The following NALF1 variants were observed in gnomAD, a reference collection of about 807,000 sequenced individuals.
NALF1 encodes family with sequence similarity 155 member A.
Under a neutral mutation model 48.4 loss-of-function variants are expected in NALF1, and 3 were observed. The observed-to-expected ratio is 0.06, with a 90% CI of 0.03 to 0.16. The LOEUF is 0.16. NALF1 is among the 10% of genes least tolerant of loss of function. NALF1 has a pLI of 1.00. For missense variants in NALF1, 526 were observed against 571.5 expected (o/e 0.92, Z 0.81); for synonymous variants, 262 against 245.7 (o/e 1.07, Z -0.62).
At chr13:107,258,251 G>A (rs956399544) in intron 1 of NALF1, among the ~76,000 whole-genome samples, 2 of 152,120 alleles carry the variant, frequency 1.3e-5, no homozygotes, top group Non-Finnish European at 2.9e-5. Context: ...AACTTCTAAT[G>A]ACATAAATGT....
chr13:107,595,904 T>G (rs1020305607), intron 1 of NALF1, among the ~76,000 whole-genome samples: 4 of 152,120 alleles, frequency 2.6e-5, no homozygotes, highest in Non-Finnish European at 1.5e-5. Context: ...CCCTCTGACT[T>G]TTCTGCCTAG....
intron 1 of NALF1, among the ~76,000 whole-genome samples, chr13:107,675,428 G>A (rs761683328): frequency 2.6e-5 from 4 of 152,128 alleles, no homozygotes; most frequent in African/African-American, 4.8e-5. Flanking sequence ...GGGGGGGAAG[G>A]GAGGAAATCT....
chr13:107,234,715 C>A (rs999454173), intron 1 of NALF1, among the ~76,000 whole-genome samples: 12 of 148,826 alleles, frequency 8.1e-5, no homozygotes, highest in East Asian at 5.9e-4. Flanking sequence ...GAAAAAAAAA[C>A]CAAAACAAAC....
chr13:107,198,228 C>T (rs969086301), intron 2 of NALF1, among the ~76,000 whole-genome samples: 1 of 152,086 alleles, frequency 6.6e-6, no homozygotes, highest in Non-Finnish European at 1.5e-5. Context: ...ACTGCAGTTT[C>T]CTGAGCTGAT....
chr13:107,846,025 T>C (rs566457478), intron 1 of NALF1, among the ~76,000 whole-genome samples: 9 of 151,832 alleles, frequency 5.9e-5, no homozygotes, highest in African/African-American at 1.7e-4. Context: ...AGCCCTGAAA[T>C]GTACAAATCT....
At chr13:107,612,554 C>T (rs1879261167) in intron 1 of NALF1, among the ~76,000 whole-genome samples, 2 of 152,070 alleles carry the variant, frequency 1.3e-5, no homozygotes, top group African/African-American at 4.8e-5. Context: ...GCCCTCCCTG[C>T]TGTGGGTGGG....
chr13:107,698,515 C>A (rs1881745804), intron 1 of NALF1, among the ~76,000 whole-genome samples: 1 of 151,946 alleles, frequency 6.6e-6, no homozygotes. Context: ...ACTCCTATAC[C>A]CCATATAATC....
In NALF1 at chr13:107,167,827, T is replaced by A. The variant is rs1878697705; in HGVS notation, c.*2670A>T. On this transcript the variant is annotated 3_prime_UTR_variant, in exon 3 of 3. Transcript: ENST00000375915. ...ATGGTGGTTTTAGTTTTCCACCTTT[T>A]GGTTGGCATTATCTCCAAACAAACG... is the stretch of plus-strand genomic sequence containing the variant. 1 of 152,206 alleles carries A rather than the reference T, an allele frequency of 6.6e-6. No homozygotes were observed. The highest frequency in any genetic ancestry group is 2.4e-5 in the African/African-American group (1 of 41,446). The allele number at this position is 152,206 out of a possible 1,614,324, so 9.4% of individuals were successfully genotyped here. A position where few individuals can be genotyped will look rare whatever the true frequency, so the allele number is the denominator to read the frequency against.
At chr13:107,589,809 G>A (rs1878554324) in intron 1 of NALF1, among the ~76,000 whole-genome samples, 1 of 151,822 alleles carries the variant, frequency 6.6e-6, no homozygotes. Context: ...AATTTCCCTT[G>A]AGGCAGGGCT....
chr13:107,236,734 T>TATC (rs1880357446), intron 1 of NALF1, among the ~76,000 whole-genome samples: 1 of 142,190 alleles, frequency 7.0e-6, no homozygotes, highest in South Asian at 2.3e-4. Context: ...TCTATCTATC[T>TATC]ATCATCTACA....
chr13:107,499,754 A>C (rs1410629963), intron 1 of NALF1, among the ~76,000 whole-genome samples: 1 of 152,206 alleles, frequency 6.6e-6, no homozygotes. Context: ...TCTTAATTTA[A>C]CATATTCCTA....
At chr13:107,237,383 T>C (rs1387806508) in intron 1 of NALF1, among the ~76,000 whole-genome samples, 2 of 152,140 alleles carry the variant, frequency 1.3e-5, no homozygotes, top group African/African-American at 4.8e-5. Flanking sequence ...CCTAATTTTG[T>C]TGTACTTATC....
intron 1 of NALF1, among the ~76,000 whole-genome samples, chr13:107,683,036 G>T (rs1413859027): frequency 2.0e-5 from 3 of 152,208 alleles, no homozygotes; most frequent in Non-Finnish European, 4.4e-5. Flanking sequence ...GCTGAGGAGG[G>T]AGGATTGCCG....
intron 1 of NALF1, among the ~76,000 whole-genome samples, chr13:107,822,221 T>C (rs1879379273): frequency 6.6e-6 from 1 of 152,088 alleles, no homozygotes; most frequent in Non-Finnish European, 1.5e-5. Flanking sequence ...TAAAGCCCAG[T>C]TTGACTTCCA....
At chr13:107,303,738 T>A (rs527630511) in intron 1 of NALF1, among the ~76,000 whole-genome samples, 70 of 151,152 alleles carry the variant, frequency 4.6e-4, no homozygotes, top group East Asian at 2.1e-3. Context: ...TTCAAGAAAA[T>A]TTTTTTTTAA....
chr13:107,361,383 C>T (rs569025721), intron 1 of NALF1, among the ~76,000 whole-genome samples: 1 of 152,182 alleles, frequency 6.6e-6, no homozygotes, highest in South Asian at 2.1e-4. Context: ...GGCTCTGTTG[C>T]TGGTGAGTAG....
intron 1 of NALF1, among the ~76,000 whole-genome samples, chr13:107,846,147 G>A (rs1269682963): frequency 6.6e-6 from 1 of 152,108 alleles, no homozygotes; most frequent in East Asian, 1.9e-4. Context: ...CAGGAGTGGT[G>A]ACTTGACTTG....
intron 1 of NALF1, among the ~76,000 whole-genome samples, chr13:107,842,806 TG>T (rs1307981625): frequency 1.3e-5 from 2 of 152,234 alleles, no homozygotes; most frequent in East Asian, 3.9e-4. Context: ...GCACACTCTT[TG>T]GAAAAACTTG....
At chr13:107,185,210 C>T (rs1412234459) in intron 2 of NALF1, among the ~76,000 whole-genome samples, 2 of 152,186 alleles carry the variant, frequency 1.3e-5, no homozygotes, top group Admixed American at 1.3e-4. Context: ...GACATCTTGA[C>T]CTCAGGCTTC....
Sources: allele counts gnomAD v4.1 joint callset (sites outside exome capture counted in the v4.1 genomes callset), GRCh38; gene constraint gnomAD v4.1.1; transcripts MANE v1.5; gene names NCBI Gene and HGNC (gene_info 2026-07-23, HGNC 2026-07-21).